Variants in LIPA observed in about 807,000 individuals in gnomAD.
LIPA encodes lipase A, lysosomal acid type, also known as lysosomal acid lipase/cholesteryl ester hydrolase.
LIPA carries 26 observed loss-of-function variants against 40.6 expected under a neutral mutation model. The observed-to-expected ratio is 0.64, with a 90% CI of 0.47 to 0.89. The LOEUF (loss-of-function observed/expected upper bound fraction) is 0.89. Ranked by LOEUF, LIPA falls within the 40% of genes least tolerant of loss-of-function variation. LIPA has a pLI of 0.00. For synonymous variants in LIPA, 188 were observed against 168.4 expected, an observed-to-expected ratio of 1.12 and a Z score of -0.90; for missense variants, 455 against 479.6, an observed-to-expected ratio of 0.95 and a Z score of 0.48.
intron 1 of LIPA, among the ~76,000 whole-genome samples, chr10:89,287,222 G>A (rs1843345539): frequency 6.6e-6 from 1 of 152,072 alleles, no homozygotes; most frequent in African/African-American, 2.4e-5. Context: ...AGATGCTTTA[G>A]GTAACTCTTA....
At chr10:89,306,192 A>C (rs17468739) in intron 1 of LIPA, 231,291 of 1,614,066 alleles carry the variant, frequency 0.14, 18,962 homozygotes, top group Non-Finnish European at 0.17. Context: ...AAAGCTGAAG[A>C]GTTAATCCAG....
chr10:89,227,497 T>G (rs1009193327), intron 4 of LIPA, among the ~76,000 whole-genome samples: 1 of 152,216 alleles, frequency 6.6e-6, no homozygotes, highest in African/African-American at 2.4e-5. Context: ...TCCTTAGAGG[T>G]GCCTCTGGTT....
intron 2 of LIPA, among the ~76,000 whole-genome samples, chr10:89,382,985 A>G (rs548964876): frequency 4.4e-4 from 67 of 152,370 alleles, no homozygotes; most frequent in African/African-American, 1.5e-3. Flanking sequence ...CATGGACTGC[A>G]AAGTCAGGAG....
At chr10:89,342,014 C>T (rs143681046) in intron 1 of LIPA, among the ~76,000 whole-genome samples, 29 of 152,142 alleles carry the variant, frequency 1.9e-4, no homozygotes, top group African/African-American at 7.0e-4. Flanking sequence ...TTGATTTAGC[C>T]GTTCCACAAT....
At chr10:89,405,454 C>A (rs1272583521) in intron 2 of LIPA, 2 of 152,166 alleles carry the variant, frequency 1.3e-5, no homozygotes, top group South Asian at 2.1e-4. Flanking sequence ...ATACTAGTTT[C>A]TTTTAGTGGC....
chr10:89,282,595 G>A (rs894235297), intron 1 of LIPA, among the ~76,000 whole-genome samples: 35 of 152,036 alleles, frequency 2.3e-4, no homozygotes, highest in Admixed American at 3.9e-4. Context: ...AGCCGAGATC[G>A]TGCCATTGCA....
Position 89,307,251 on chromosome 10 carries a change from C to T in LIPA, c.-2+35360G>A, listed in dbSNP as rs1457348340. ...TCTAAAAATGGAGCAGATTCTGAGGCTTTGCATGTCTTGGCATTCCTTCAG... is the reference window on the plus strand; with the variant it reads ...TCTAAAAATGGAGCAGATTCTGAGGTTTTGCATGTCTTGGCATTCCTTCAG... On this transcript the variant is annotated intron_variant, in intron 1 of 5. Transcript: ENST00000282673. 68 of 1,614,028 alleles carry T rather than the reference C, an allele frequency of 4.2e-5. No homozygotes were observed. The highest frequency in any genetic ancestry group is 5.6e-5 in the Non-Finnish European group (66 of 1,179,956).
intron 2 of LIPA, among the ~76,000 whole-genome samples, chr10:89,362,050 C>G (rs781164738): frequency 2.0e-5 from 3 of 151,824 alleles, no homozygotes; most frequent in Non-Finnish European, 4.4e-5. Context: ...CAGGTGTGTG[C>G]CACCATGCCC....
intron 1 of LIPA, among the ~76,000 whole-genome samples, chr10:89,336,167 AGG>A (rs1843736289): frequency 8.4e-6 from 1 of 119,738 alleles, no homozygotes; most frequent in African/African-American, 3.2e-5. Flanking sequence ...GAAGGGAGGG[AGG>A]GAGGGAAGGA....
At position 89,287,325 on chromosome 10, in the gene LIPA, A is replaced by G. The variant is rs546318631; in HGVS notation, c.-1-39676T>C. Among the ~76,000 whole-genome samples, 4 of 152,286 alleles carry G rather than the reference A, an allele frequency of 2.6e-5. No homozygotes were observed. The East Asian group carries it at 5.8e-4, about 22-fold the overall frequency. On this transcript the variant is annotated intron_variant, in intron 1 of 5. Coordinates refer to the LIPA transcript ENST00000282673. Reference sequence around the variant, plus strand: ...TCAAGGTCCTGTTTCCCTTGCCTCCATAACTGTTGTGGGTATTGACGGCCA... The same window carrying G: ...TCAAGGTCCTGTTTCCCTTGCCTCCGTAACTGTTGTGGGTATTGACGGCCA...
intron 1 of LIPA, among the ~76,000 whole-genome samples, chr10:89,298,402 A>G (rs1843427635): frequency 2.6e-5 from 4 of 152,346 alleles, no homozygotes; most frequent in South Asian, 4.1e-4. Context: ...CAAGGAAATC[A>G]TATATATCAC....
intron 1 of LIPA, among the ~76,000 whole-genome samples, chr10:89,282,283 G>A (rs1843319799): frequency 1.3e-5 from 2 of 152,210 alleles, no homozygotes; most frequent in African/African-American, 2.4e-5. Flanking sequence ...ATCACAAACA[G>A]TTGGTGACAG....
intron 1 of LIPA, among the ~76,000 whole-genome samples, chr10:89,276,570 T>C (rs1398652653): frequency 6.6e-6 from 1 of 152,228 alleles, no homozygotes; most frequent in African/African-American, 2.4e-5. Context: ...TGTACTGTTG[T>C]AGAGCCTTAG....
intron 2 of LIPA, among the ~76,000 whole-genome samples, chr10:89,354,747 TA>T (rs1375831671): frequency 6.6e-5 from 10 of 152,140 alleles, no homozygotes. Flanking sequence ...TTTGTATTTT[TA>T]GTAGACATGG....
chr10:89,332,866 G>T (rs1286520100), intron 1 of LIPA, among the ~76,000 whole-genome samples: 1 of 152,202 alleles, frequency 6.6e-6, no homozygotes, highest in Non-Finnish European at 1.5e-5. Context: ...CATATTGAGA[G>T]ATCCTAGAGA....
intron 2 of LIPA, among the ~76,000 whole-genome samples, chr10:89,379,335 G>A (rs918240357): frequency 1.3e-5 from 2 of 152,078 alleles, no homozygotes; most frequent in Non-Finnish European, 2.9e-5. Context: ...CTCTAGGGTG[G>A]GGCCCATCAA....
Position 89,413,120 on chromosome 10 carries a change from C to T in LIPA, c.-71-198G>A, listed in dbSNP as rs1013738435. 8.1e-4 allele frequency among the ~76,000 whole-genome samples: 123 copies of T among 152,154 alleles called. 1 individual carries two copies. The highest frequency in any genetic ancestry group is 2.9e-3 in the African/African-American group (121 of 41,412). ...GAACATGCAGTGTTTGGTTTCTGTTCCTGCATTAGTTTGCTGAGGATAATC... is the reference window on the plus strand; with the variant it reads ...GAACATGCAGTGTTTGGTTTCTGTTTCTGCATTAGTTTGCTGAGGATAATC... On this transcript the variant is annotated intron_variant, in intron 1 of 8. Transcript: ENST00000371837.
chr10:89,379,621 C>T (rs898698144), intron 2 of LIPA, among the ~76,000 whole-genome samples: 1 of 152,078 alleles, frequency 6.6e-6, no homozygotes, highest in African/African-American at 2.4e-5. Flanking sequence ...CTTTTGAGAT[C>T]CCTTTCTAGC....
chr10:89,250,107 C>CTTTCTTTTTTTTTT (rs573748456), intron 1 of LIPA, among the ~76,000 whole-genome samples: 37 of 96,070 alleles, frequency 3.9e-4, no homozygotes, highest in African/African-American at 1.5e-3. Flanking sequence ...TCTTTTCTTT[C>CTTTCTTTTTTTTTT]TTTTTTTTTT....
Sources: allele counts gnomAD v4.1 joint callset (sites outside exome capture counted in the v4.1 genomes callset), GRCh38; gene constraint gnomAD v4.1.1; transcripts MANE v1.5; gene names NCBI Gene and HGNC (gene_info 2026-07-23, HGNC 2026-07-21).